Variants in SLC9A9 observed in about 807,000 individuals in gnomAD.
SLC9A9 encodes the protein solute carrier family 9 member A9.
SLC9A9 carries 62 observed loss-of-function variants against 77.8 expected under a neutral mutation model. The observed-to-expected ratio is 0.80, with a 90% CI of 0.65 to 0.98. The LOEUF (loss-of-function observed/expected upper bound fraction) is 0.98, where lower values mean the gene tolerates loss of function less well. Among genes scored for constraint, SLC9A9 ranks in the 50% least tolerant of loss-of-function variants. SLC9A9 has a pLI of 0.00. For synonymous variants in SLC9A9, 320 were observed against 283.5 expected, an observed-to-expected ratio of 1.13 and a Z score of -1.29; for missense variants, 775 against 774.9, an observed-to-expected ratio of 1.00 and a Z score of 0.00.
chr3:143,496,826 C>T (rs1187883268), intron 9 of SLC9A9, among the ~76,000 whole-genome samples: 2 of 152,178 alleles, frequency 1.3e-5, no homozygotes, highest in Non-Finnish European at 2.9e-5. Context: ...ATACCATATA[C>T]TGAATGGCTT....
At chr3:143,697,346 C>T (rs1349612498) in intron 4 of SLC9A9, among the ~76,000 whole-genome samples, 1 of 151,926 alleles carries the variant, frequency 6.6e-6, no homozygotes, top group Non-Finnish European at 1.5e-5. Context: ...TAATAGAATT[C>T]GATGACTCCT....
intron 11 of SLC9A9, among the ~76,000 whole-genome samples, chr3:143,475,791 CA>C (rs374147740): frequency 0.25 from 33,036 of 130,126 alleles, 3,838 homozygotes; most frequent in Middle Eastern, 0.41. Flanking sequence ...GACTCCATCT[CA>C]AAAAAAAAAA....
intron 8 of SLC9A9, among the ~76,000 whole-genome samples, chr3:143,559,647 G>A (rs1050507853): frequency 2.0e-5 from 3 of 151,868 alleles, no homozygotes; most frequent in African/African-American, 7.3e-5. Context: ...CTCAATAAGT[G>A]AAGACAAGAT....
chr3:143,373,605 TAAAAAAAAAA>T (rs67376157), intron 13 of SLC9A9, among the ~76,000 whole-genome samples: 1 of 58,624 alleles, frequency 1.7e-5, no homozygotes, highest in Admixed American at 2.2e-4. Context: ...ACTGAAATAG[TAAAAAAAAAA>T]AAAAAAAAAA....
Position 143,309,631 on chromosome 3 carries a change from C to T in SLC9A9, c.1605-40651G>A, listed in dbSNP as rs894335408. Among the ~76,000 whole-genome samples the T allele has an allele frequency of 5.3e-5, 8 of 152,234 alleles. No homozygotes were observed. In the South Asian group the frequency reaches 8.3e-4, roughly 16 times the overall value. On this transcript the variant is annotated intron_variant, in intron 14 of 15. Transcript: ENST00000316549. ...ATGTTTCTGTACTCTAGGGTGAATT[C>T]GCAGATGTTCCTTTAAAGGGGCATT...
intron 4 of SLC9A9, among the ~76,000 whole-genome samples, chr3:143,708,695 T>C (rs1934060029): frequency 1.3e-5 from 2 of 152,206 alleles, no homozygotes; most frequent in African/African-American, 4.8e-5. Context: ...AATATTCTTA[T>C]GTGACTAATT....
Position 143,347,338 on chromosome 3 carries a change from TTTTG to T in SLC9A9, c.1604+16142_1604+16145del, listed in dbSNP as rs1291179169. ...AGTTGTGGGAAAGAAGCAGAAATAG[TTTTG>T]TTTGTTTGCATTAACAAATGGATGA... is the stretch of plus-strand genomic sequence containing the variant. On this transcript the variant is annotated intron_variant, in intron 14 of 15. Coordinates refer to ENST00000316549, the MANE Select transcript of SLC9A9 (RefSeq NM_173653.4). Among the ~76,000 whole-genome samples, 10 of 152,302 alleles carry T rather than the reference TTTTG, an allele frequency of 6.6e-5. No homozygotes were observed. The East Asian group carries it at 1.3e-3, about 21-fold the overall frequency.
At chr3:143,588,956 G>A (rs73867678) in intron 6 of SLC9A9, among the ~76,000 whole-genome samples, 14,466 of 152,068 alleles carry the variant, frequency 0.095, 1,244 homozygotes, top group African/African-American at 0.23. Flanking sequence ...TGTCATATGC[G>A]AAATTTTAGT....
chr3:143,399,607 A>C (rs2033805877), intron 12 of SLC9A9, among the ~76,000 whole-genome samples: 1 of 152,180 alleles, frequency 6.6e-6, no homozygotes, highest in South Asian at 2.1e-4. Context: ...ATTATCATGA[A>C]GACTACGGAA....
intron 6 of SLC9A9, among the ~76,000 whole-genome samples, chr3:143,621,698 A>G (rs2108713519): frequency 6.6e-6 from 1 of 152,354 alleles, no homozygotes; most frequent in South Asian, 2.1e-4. Flanking sequence ...AACTCTAAAA[A>G]TCAGAGTGCC....
intron 6 of SLC9A9, among the ~76,000 whole-genome samples, chr3:143,587,617 G>A (rs959492865): frequency 3.5e-5 from 5 of 141,982 alleles, no homozygotes; most frequent in Admixed American, 7.0e-5. Context: ...AGAGCCTTTC[G>A]GGACATTGTT....
chr3:143,572,181 A>T (rs1400591589), intron 8 of SLC9A9, among the ~76,000 whole-genome samples: 1 of 152,172 alleles, frequency 6.6e-6, no homozygotes, highest in Non-Finnish European at 1.5e-5. Context: ...GCAAACTAGC[A>T]ATTTGTTCAG....
intron 6 of SLC9A9, among the ~76,000 whole-genome samples, chr3:143,616,921 G>A (rs2038115866): frequency 1.3e-5 from 2 of 151,910 alleles, no homozygotes; most frequent in African/African-American, 2.4e-5. Context: ...CTGCCTGAGA[G>A]ATGATCATGC....
chr3:143,789,629 A>G (rs555321716), intron 4 of SLC9A9, among the ~76,000 whole-genome samples: 2 of 152,210 alleles, frequency 1.3e-5, no homozygotes, highest in Admixed American at 1.3e-4. Flanking sequence ...TTTTGGGGCT[A>G]CTGAGACTCA....
rs552090839 is a variant in SLC9A9, at chr3:143,391,614, G to A, written c.1470-9500C>T. Among the ~76,000 whole-genome samples, 344 of 152,322 alleles carry A rather than the reference G, an allele frequency of 2.3e-3. 1 individual carries two copies. Among genetic ancestry groups the A allele is most frequent in the African/African-American group, 7.8e-3 (323 of 41,572 alleles). ...AAGCTGGATGGAAAATGACTTTGAC[G>A]AGTTGAGAGAAGAAGGCTTCAAACG... On this transcript the variant is annotated intron_variant, in intron 12 of 15. Transcript: ENST00000316549.
Position 143,265,553 on chromosome 3 carries a change from C to T in SLC9A9, c.*1149G>A, listed in dbSNP as rs182622958. 19 of 226,524 alleles carry T rather than the reference C, an allele frequency of 8.4e-5. No individual in the cohort carries two copies. The highest frequency in any genetic ancestry group is 4.6e-4 in the Admixed American group (8 of 17,406). 14.0% of individuals were successfully genotyped at this position (226,524 alleles called of 1,614,324 possible). A position where few individuals can be genotyped will look rare whatever the true frequency, so the allele number is the denominator to read the frequency against. On this transcript the variant is annotated 3_prime_UTR_variant, in exon 16 of 16. Coordinates refer to ENST00000316549, the MANE Select transcript of SLC9A9 (RefSeq NM_173653.4). The stretch of plus-strand genomic sequence containing the variant: ...CACCTAGGCCTGGAGCCTATTTTTT[C>T]GAGTCTAATATGAACATCTGGATTT...
chr3:143,760,393 AG>A (rs1349978044), intron 4 of SLC9A9, among the ~76,000 whole-genome samples: 1 of 152,214 alleles, frequency 6.6e-6, no homozygotes, highest in Non-Finnish European at 1.5e-5. Flanking sequence ...TTAGGAAAAG[AG>A]GAAGTCAAAT....
intron 12 of SLC9A9, among the ~76,000 whole-genome samples, chr3:143,393,288 T>C (rs2033617165): frequency 6.6e-6 from 1 of 152,178 alleles, no homozygotes; most frequent in African/African-American, 2.4e-5. Flanking sequence ...AACTCAGGAT[T>C]AAGAAACTCA....
intron 1 of SLC9A9, among the ~76,000 whole-genome samples, chr3:143,845,445 C>T (rs1559825135): frequency 6.6e-6 from 1 of 152,136 alleles, no homozygotes; most frequent in South Asian, 2.1e-4. Flanking sequence ...TAAGATATAA[C>T]ATTTAGGACA....
Sources: allele counts gnomAD v4.1 joint callset (sites outside exome capture counted in the v4.1 genomes callset), GRCh38; gene constraint gnomAD v4.1.1; transcripts MANE v1.5; gene names NCBI Gene and HGNC (gene_info 2026-07-23, HGNC 2026-07-21).